The following CSMD1 variants were observed in gnomAD, a reference collection of about 807,000 sequenced individuals.
CSMD1 encodes CUB and sushi domain-containing protein 1.
In CSMD1, 213 loss-of-function variants were observed where a neutral mutation model predicts 417.5. That is an observed-to-expected ratio of 0.51 (90% CI 0.46 to 0.57). CSMD1 has a LOEUF of 0.57. CSMD1 is among the 20% of genes least tolerant of loss of function. CSMD1 has a pLI of 0.00. For missense variants in CSMD1, 6,923 were observed against 4,529.7 expected (o/e 1.53, Z -15.17); for synonymous variants, 2,862 against 1,736.8 (o/e 1.65, Z -16.11).
At chr8:3,614,988 T>C (rs912875923) in intron 8 of CSMD1, among the ~76,000 whole-genome samples, 3 of 152,174 alleles carry the variant, frequency 2.0e-5, no homozygotes, top group Non-Finnish European at 2.9e-5. Flanking sequence ...AAGGAATACA[T>C]AGAATGGGGA....
chr8:3,632,015 G>C (rs528584608), intron 7 of CSMD1, among the ~76,000 whole-genome samples: 3 of 152,070 alleles, frequency 2.0e-5, no homozygotes, highest in Non-Finnish European at 4.4e-5. Flanking sequence ...CTAACCATAG[G>C]TTAACTCATC....
intron 2 of CSMD1, among the ~76,000 whole-genome samples, chr8:4,531,281 C>T (rs888563010): frequency 2.0e-5 from 3 of 152,084 alleles, no homozygotes; most frequent in African/African-American, 7.2e-5. Flanking sequence ...ATTAAAACAA[C>T]AAAAATAACT....
At chr8:4,147,018 G>C (rs1452759705) in intron 3 of CSMD1, among the ~76,000 whole-genome samples, 2 of 151,920 alleles carry the variant, frequency 1.3e-5, no homozygotes, top group Non-Finnish European at 2.9e-5. Context: ...GAGGCCAGGA[G>C]AGTCAGAGAT....
At chr8:3,521,442 CTCACTGGCCTTGAACTTCATGGCCCA>C (rs1797504316) in intron 10 of CSMD1, among the ~76,000 whole-genome samples, 1 of 152,176 alleles carries the variant, frequency 6.6e-6, no homozygotes, top group Non-Finnish European at 1.5e-5. Context: ...AGCTAGGAAG[CTCACTGGCCTTGAACTTCATGGCCCA>C]TAGCATTGTT....
At chr8:4,037,531 G>A (rs1014271640) in intron 3 of CSMD1, among the ~76,000 whole-genome samples, 1 of 152,158 alleles carries the variant, frequency 6.6e-6, no homozygotes, top group Non-Finnish European at 1.5e-5. Context: ...AGAAGAATTT[G>A]AAAAACACAA....
rs182367473 is a variant in CSMD1, at chr8:4,897,694, A to T, written c.85+96638T>A. Reference sequence around the variant, plus strand: ...AAGCCAGCACAACTTTTTTTTACATATTACTTAAATACATTCTATCTGCGT... The same window carrying T: ...AAGCCAGCACAACTTTTTTTTACATTTTACTTAAATACATTCTATCTGCGT... On this transcript the variant is annotated intron_variant, in intron 1 of 69. Transcript: ENST00000635120. Among the ~76,000 whole-genome samples the T allele has an allele frequency of 2.6e-5, 4 of 152,214 alleles. No homozygotes were observed. In the East Asian group the frequency reaches 7.7e-4, roughly 29 times the overall value.
intron 41 of CSMD1, among the ~76,000 whole-genome samples, chr8:3,142,142 T>C (rs1818541801): frequency 1.3e-5 from 2 of 152,190 alleles, no homozygotes; most frequent in South Asian, 2.1e-4. Context: ...CTGGGGAGAC[T>C]GAATTGAGTC....
At chr8:4,366,844 CTTCTT>C (rs763703681) in intron 3 of CSMD1, among the ~76,000 whole-genome samples, 9 of 152,066 alleles carry the variant, frequency 5.9e-5, no homozygotes, top group African/African-American at 1.2e-4. Flanking sequence ...GCTTGTTTAT[CTTCTT>C]TTGAGAAGTG....
In CSMD1 at chr8:4,392,568, T is replaced by G. The variant is rs143630225; in HGVS notation, c.415+27385A>C. 2.3e-3 allele frequency among the ~76,000 whole-genome samples: 356 copies of G among 151,966 alleles called. 1 individual carries two copies. Among genetic ancestry groups the G allele is most frequent in the Admixed American group, 6.2e-3 (94 of 15,274 alleles). ...ACTAGGAAACTTAAATATAAAAACT[T>G]GTGTAAATGGCTTTCATCTGAATTT... On this transcript the variant is annotated intron_variant, in intron 3 of 69. Transcript: ENST00000635120.
intron 2 of CSMD1, among the ~76,000 whole-genome samples, chr8:4,535,129 C>T (rs971932377): frequency 6.6e-6 from 1 of 152,126 alleles, no homozygotes. Context: ...AAAACATAAT[C>T]TCCCATATAT....
intron 3 of CSMD1, among the ~76,000 whole-genome samples, chr8:4,325,404 C>G (rs1345502347): frequency 2.0e-5 from 3 of 152,088 alleles, no homozygotes; most frequent in African/African-American, 7.2e-5. Flanking sequence ...TGTGATCTGC[C>G]TTAGAAGGAA....
intron 68 of CSMD1, among the ~76,000 whole-genome samples, chr8:2,946,275 C>A (rs574254293): frequency 6.6e-6 from 1 of 152,202 alleles, no homozygotes; most frequent in Non-Finnish European, 1.5e-5. Context: ...GCTGAACACA[C>A]AATCCAAGGC....
At chr8:4,579,453 G>C (rs367690942) in intron 2 of CSMD1, among the ~76,000 whole-genome samples, 44 of 151,988 alleles carry the variant, frequency 2.9e-4, no homozygotes, top group East Asian at 2.1e-3. Flanking sequence ...CCGCCTCCCA[G>C]GTTCAAGTAA....
Position 4,561,771 on chromosome 8 carries a change from G to A in CSMD1, c.302+75571C>T, listed in dbSNP as rs1330078975. Among the ~76,000 whole-genome samples, 7 of 152,326 alleles carry A rather than the reference G, an allele frequency of 4.6e-5. No homozygotes were observed. The South Asian group carries it at 1.0e-3, about 23-fold the overall frequency. Reference sequence around the variant, plus strand: ...TTATTATTTTGCAGACACTTTACCTGTGATCTCTCATTTGACTTGATGAGG... The same window carrying A: ...TTATTATTTTGCAGACACTTTACCTATGATCTCTCATTTGACTTGATGAGG... On this transcript the variant is annotated intron_variant, in intron 2 of 69. Coordinates refer to ENST00000635120, the MANE Select transcript of CSMD1 (RefSeq NM_033225.6).
chr8:3,505,259 T>C (rs1280212398), intron 10 of CSMD1, among the ~76,000 whole-genome samples: 1 of 152,274 alleles, frequency 6.6e-6, no homozygotes, highest in South Asian at 2.1e-4. Context: ...TTAGATGCGA[T>C]AAAATGCAGA....
chr8:3,234,301 G>A lies in CSMD1; in HGVS notation c.4154-4070C>T, dbSNP rs78171398. Among the ~76,000 whole-genome samples the A allele has an allele frequency of 1.3e-3, 202 of 152,202 alleles. 2 individuals carry two copies. The highest frequency in any genetic ancestry group is 4.7e-3 in the African/African-American group (195 of 41,546). ...ACCAATTTTATCCAGCACTTTTACT[G>A]TATTTTCAGCATATAAATTTTCAGA... On this transcript the variant is annotated intron_variant, in intron 26 of 69. Transcript: ENST00000635120.
intron 1 of CSMD1, among the ~76,000 whole-genome samples, chr8:4,958,478 G>C (rs1294002821): frequency 1.3e-5 from 2 of 152,148 alleles, no homozygotes; most frequent in African/African-American, 2.4e-5. Flanking sequence ...ATATATTGAA[G>C]ATATTGAGGC....
intron 12 of CSMD1, among the ~76,000 whole-genome samples, chr8:3,459,581 C>G (rs910274957): frequency 6.6e-6 from 1 of 152,054 alleles, no homozygotes; most frequent in Admixed American, 6.6e-5. Context: ...ATCCCTTTGC[C>G]AACAGGGGAA....
intron 3 of CSMD1, among the ~76,000 whole-genome samples, chr8:4,035,941 C>G (rs1223012066): frequency 6.6e-6 from 1 of 152,190 alleles, no homozygotes; most frequent in Admixed American, 6.5e-5. Context: ...GCCCCACAAA[C>G]TCTATTCACG....
Sources: gnomAD v4.1 joint callset for allele counts (sites outside exome capture counted in the v4.1 genomes callset) on GRCh38, gnomAD v4.1.1 for gene constraint, MANE v1.5 for transcripts, NCBI Gene and HGNC (gene_info 2026-07-23, HGNC 2026-07-21) for gene names.